The following RPAIN variants were observed in gnomAD, a reference collection of about 807,000 sequenced individuals.
RPAIN encodes RPA interacting protein.
RPAIN carries 29 observed loss-of-function variants against 30.5 expected under a neutral mutation model. The ratio of observed to expected loss-of-function variants is 0.95; its 90% confidence interval spans 0.71 to 1.30. The LOEUF (loss-of-function observed/expected upper bound fraction) is 1.30. RPAIN is among the 50% of genes most tolerant of loss of function. The pLI is 0.00. For synonymous variants in RPAIN, 101 were observed against 93.5 expected (o/e 1.08, Z -0.46); for missense variants, 247 against 264.7 (o/e 0.93, Z 0.46).
chr17:5,432,802 T>A lies in RPAIN; in HGVS notation c.*231T>A. 1 of 807,298 alleles carries A rather than the reference T, an allele frequency of 1.2e-6. No homozygotes were observed. The highest frequency in any genetic ancestry group is 1.8e-6 in the Non-Finnish European group (1 of 542,146). 50.0% of individuals were successfully genotyped at this position (807,298 alleles called of 1,614,324 possible). ...TTGGAGGAGATAAACCAATTTTATGTCTATCATGTTATACAAAAATCTAGA... is the reference window on the plus strand; with the variant it reads ...TTGGAGGAGATAAACCAATTTTATGACTATCATGTTATACAAAAATCTAGA... On this transcript the variant is annotated 3_prime_UTR_variant, in exon 7 of 7. Coordinates refer to ENST00000381209, the MANE Select transcript of RPAIN (RefSeq NM_001033002.4).
intron 3 of RPAIN, chr17:5,425,592 T>TCCCAAAG (rs1915310156): frequency 2.8e-6 from 1 of 351,526 alleles, no homozygotes; most frequent in South Asian, 2.2e-5. Flanking sequence ...TGCCTCAGCC[T>TCCCAAAG]CCCAAAGTGT....
Position 5,422,620 on chromosome 17 carries a change from C to G in RPAIN, c.253-149C>G, listed in dbSNP as rs1380129024. 1.4e-5 allele frequency: 9 copies of G among 646,670 alleles called. No homozygotes were observed. The East Asian group carries it at 2.2e-4, about 16-fold the overall frequency. The allele number at this position is 646,670 out of a possible 1,614,324, so 40.1% of individuals were successfully genotyped here. A position where few individuals can be genotyped will look rare whatever the true frequency, so the allele number is the denominator to read the frequency against. On this transcript the variant is annotated intron_variant, in intron 2 of 6. Coordinates refer to ENST00000381209, the MANE Select transcript of RPAIN (RefSeq NM_001033002.4). ...ATGGCTTGTCAGCATGACAGCATTA[C>G]CCCACTGTCAGCATATTCTGCAGGA...
At chr17:5,426,195 C>G (rs1304425115) in intron 4 of RPAIN, 41 bp from the exon 5 acceptor site, 1 of 1,602,698 alleles carries the variant, frequency 6.2e-7, no homozygotes, top group African/African-American at 1.3e-5. Flanking sequence ...AGATCCAGGT[C>G]TGGTGGCCAT....
rs1298589637 is a variant in RPAIN, at chr17:5,421,468, T to G, written c.252+2T>G. On this transcript the variant is annotated splice_donor_variant, in intron 2 of 6. Coordinates refer to ENST00000381209, the MANE Select transcript of RPAIN (RefSeq NM_001033002.4). LOFTEE classifies it high-confidence loss of function. The stretch of plus-strand genomic sequence containing the variant: ...AATTGTCCAGAAGACTTGGCTCAGG[T>G]CAGGCTGGGCTATGTGTTTTCAGGG... 2 of 1,613,788 alleles carry G rather than the reference T, an allele frequency of 1.2e-6. No homozygotes were observed. Among genetic ancestry groups the G allele is most frequent in the Non-Finnish European group, 1.7e-6 (2 of 1,179,872 alleles).
chr17:5,425,880 G>C lies in RPAIN; in HGVS notation c.314-91G>C, dbSNP rs544207763. ...GTGGTCTTGCCCAAATCTTTCCCTC[G>C]TGTGAAGGAAGCCTTTGACAGTGAA... On this transcript the variant is annotated intron_variant, in intron 3 of 6. Transcript: ENST00000381209. 3 of 780,800 alleles carry C rather than the reference G, an allele frequency of 3.8e-6. No homozygotes were observed. The South Asian group carries it at 4.9e-5, about 13-fold the overall frequency. 48.4% of individuals were successfully genotyped at this position (780,800 alleles called of 1,614,324 possible).
At chr17:5,425,339 C>CTTT in intron 3 of RPAIN, 7 of 424,074 alleles carry the variant, frequency 1.7e-5, no homozygotes, top group South Asian at 3.5e-5. Flanking sequence ...TCAGTTCTCT[C>CTTT]TTTTTTTTTT....
rs376071392 is a variant in RPAIN at position 5,421,258 on chromosome 17, CT to C, written c.82-29del. On this transcript the variant is annotated intron_variant, in intron 1 of 6. Transcript: ENST00000381209. ...AGAGTGTTTTTTAAAAATAGAAATG[CT>C]TTTTTTTTCCCCCCCAATCTTGCTC... 1,613 of 1,499,264 alleles carry C rather than the reference CT, an allele frequency of 1.1e-3. 12 individuals carry two copies. The African/African-American group carries it at 0.015, about 14-fold the overall frequency. The allele number at this position is 1,499,264 out of a possible 1,614,324, so 92.9% of individuals were successfully genotyped here.
chr17:5,429,437 G>C lies in RPAIN; in HGVS notation c.630+1226G>C. The C allele has an allele frequency of 5.1e-6, 5 of 985,376 alleles. 1 individual carries two copies. The South Asian group carries it at 2.3e-4, about 46-fold the overall frequency. 61.0% of individuals were successfully genotyped at this position (985,376 alleles called of 1,614,324 possible). On this transcript the variant is annotated intron_variant, in intron 6 of 6. Transcript: ENST00000381209. ...ATGAGGGAGAGGATAGTTCCTGTTAGGAATAGGAAACAGATTCAGAGAAGT... is the reference window on the plus strand; with the variant it reads ...ATGAGGGAGAGGATAGTTCCTGTTACGAATAGGAAACAGATTCAGAGAAGT...
At chr17:5,425,449 C>T in intron 3 of RPAIN, 1 of 418,710 alleles carries the variant, frequency 2.4e-6, no homozygotes, top group Non-Finnish European at 4.7e-6. Context: ...GATTCTTCTG[C>T]CTCAGCCTCC....
chr17:5,431,597 T>G (rs1418281790), intron 6 of RPAIN: 1 of 456,526 alleles, frequency 2.2e-6, no homozygotes, highest in East Asian at 7.0e-5. Flanking sequence ...AGACCTTTGG[T>G]TTTCACTTAA....
At chr17:5,420,419 C>G (rs899022729) in intron 1 of RPAIN, 128 bp downstream of exon 1, 1 of 720,378 alleles carries the variant, frequency 1.4e-6, no homozygotes, top group Non-Finnish European at 2.3e-6. Flanking sequence ...AAACCCAGGC[C>G]TGCTGACTGT....
rs565200288 is a variant in RPAIN, at chr17:5,431,129, C to T, written c.631-1413C>T. On this transcript the variant is annotated intron_variant, in intron 6 of 6. Transcript: ENST00000381209. ...TCTTGGAGATCATAGTTGACAGTGC[C>T]GGCTCTGGGGTGGGCAGGAAGACCA... 1.6e-4 allele frequency: 48 copies of T among 308,338 alleles called. No individual in the cohort carries two copies. The East Asian group carries it at 2.2e-3, about 14-fold the overall frequency. The allele number at this position is 308,338 out of a possible 1,614,324, so 19.1% of individuals were successfully genotyped here.
chr17:5,422,894 CA>C, intron 3 of RPAIN, 65 bp downstream of exon 3: 2 of 1,301,848 alleles, frequency 1.5e-6, no homozygotes, highest in South Asian at 2.5e-5. Context: ...ACCTTTCCTC[CA>C]ATCAGGATTA....
In RPAIN at chr17:5,426,090, T is replaced by C; in HGVS notation, c.425+8T>C. On this transcript the variant is annotated splice_region_variant and intron_variant, in intron 4 of 6. Transcript: ENST00000381209. ...CTGTCCTGTATGTACAAAGTAAGAG[T>C]TTTTAAAACCTTTTCAGCATTATTC... The C allele has an allele frequency of 6.2e-7, 1 of 1,601,342 alleles. No individual in the cohort carries two copies. The highest frequency in any genetic ancestry group is 8.6e-7 in the Non-Finnish European group (1 of 1,168,956).
intron 1 of RPAIN, among the ~76,000 whole-genome samples, chr17:5,420,773 G>C (rs1192730753): frequency 3.3e-5 from 5 of 152,282 alleles, no homozygotes; most frequent in Admixed American, 6.5e-5. Flanking sequence ...TCTCAGCCTT[G>C]ACAATGGACA....
rs369901484 is a variant in RPAIN, at chr17:5,420,576, G to A, written c.81+285G>A. 1.4e-4 allele frequency among the ~76,000 whole-genome samples: 21 copies of A among 152,144 alleles called. 1 individual carries two copies. In the South Asian group the frequency reaches 3.5e-3, roughly 26 times the overall value. The stretch of plus-strand genomic sequence containing the variant: ...TACTGTTGCTGCGGAGGTGGCCACC[G>A]AGAGAGGCACTTTGTCTACGTTCGT... On this transcript the variant is annotated intron_variant, in intron 1 of 6. Transcript: ENST00000381209.
At position 5,426,072 on chromosome 17, in the gene RPAIN, G is replaced by C. The variant is rs116885661; in HGVS notation, c.415G>C (p.Val139Leu). 3.7e-6 allele frequency: 6 copies of C among 1,611,392 alleles called. No individual in the cohort carries two copies. The highest frequency in any genetic ancestry group is 1.3e-5 in the African/African-American group (1 of 74,894). ...EWEANPLICP[V>L]CTKYNLRITS... ...GGAGGCAAACCCACTCATCTGTCCT[G>C]TATGTACAAAGTAAGAGTTTTTAAA... The change falls in exon 4 of 7, where the codon GTA becomes CTA. Residue 139 changes from valine (V) to leucine (L), a missense_variant. Coordinates refer to ENST00000381209, the MANE Select transcript of RPAIN (RefSeq NM_001033002.4).
intron 1 of RPAIN, among the ~76,000 whole-genome samples, chr17:5,420,538 C>T (rs1332837988): frequency 6.6e-6 from 1 of 152,146 alleles, no homozygotes; most frequent in East Asian, 1.9e-4. Flanking sequence ...TGCACCTCTG[C>T]AATAACACTA....
chr17:5,425,847 T>C (rs1323924205), intron 3 of RPAIN, 124 bp from the exon 4 acceptor site: 6 of 630,648 alleles, frequency 9.5e-6, no homozygotes, highest in South Asian at 3.8e-5. Context: ...AAACCAGTCA[T>C]TGGTATTGTG....
Sources: gnomAD v4.1 joint callset for allele counts (sites outside exome capture counted in the v4.1 genomes callset) on GRCh38, gnomAD v4.1.1 for gene constraint, MANE v1.5 for transcripts, NCBI Gene and HGNC (gene_info 2026-07-23, HGNC 2026-07-21) for gene names.